Variants in HHLA2 observed in about 807,000 individuals in gnomAD.
HHLA2 encodes HHLA2 member of B7 family.
In HHLA2, 48 loss-of-function variants were observed where a neutral mutation model predicts 45.9. That is an observed-to-expected ratio of 1.05 (90% CI 0.83 to 1.33). The LOEUF is 1.33. HHLA2 is among the 40% of genes most tolerant of loss of function. The pLI, the probability that HHLA2 is intolerant of heterozygous loss-of-function variation, is 0.00. For missense variants in HHLA2, 462 were observed against 494.3 expected, an observed-to-expected ratio of 0.93 and a Z score of 0.62; for synonymous variants, 161 against 173.9, an observed-to-expected ratio of 0.93 and a Z score of 0.59.
At chr3:108,308,145 C>T (rs576325595) in intron 1 of HHLA2, among the ~76,000 whole-genome samples, 3 of 152,272 alleles carry the variant, frequency 2.0e-5, no homozygotes, top group South Asian at 2.1e-4. Flanking sequence ...TAACCATCCC[C>T]ACCTTCCCCG....
intron 8 of HHLA2, among the ~76,000 whole-genome samples, chr3:108,375,349 G>C (rs1160793879): frequency 8.3e-6 from 1 of 120,200 alleles, no homozygotes; most frequent in African/African-American, 3.1e-5. Context: ...GAGGGGGGAG[G>C]GATAGCATTA....
At chr3:108,354,520 C>T (rs1277300661) in intron 5 of HHLA2, among the ~76,000 whole-genome samples, 1 of 151,944 alleles carries the variant, frequency 6.6e-6, no homozygotes, top group Non-Finnish European at 1.5e-5. Flanking sequence ...ATGATGTGCT[C>T]TGTTAATGAT....
chr3:108,319,910 G>A (rs899651432), intron 2 of HHLA2, among the ~76,000 whole-genome samples: 3 of 152,118 alleles, frequency 2.0e-5, no homozygotes, highest in African/African-American at 7.2e-5. Flanking sequence ...GAGCAGATTC[G>A]CCCCGTGCAT....
intron 2 of HHLA2, among the ~76,000 whole-genome samples, chr3:108,313,739 A>G (rs1469538151): frequency 2.0e-5 from 3 of 152,202 alleles, no homozygotes; most frequent in African/African-American, 7.2e-5. Context: ...ACCTGTAGTT[A>G]TATCCATGGG....
intron 2 of HHLA2, among the ~76,000 whole-genome samples, chr3:108,313,295 T>A (rs937517425): frequency 6.6e-6 from 1 of 152,136 alleles, no homozygotes; most frequent in Admixed American, 6.6e-5. Context: ...GGATTGTGAT[T>A]CGGGGGAGTG....
chr3:108,353,720 A>G (rs750264144), exon 5 of HHLA2: 7 of 1,613,466 alleles, frequency 4.3e-6, no homozygotes, highest in Non-Finnish European at 5.9e-6. Flanking sequence ...AGGAATTTAC[A>G]CCTGCTATGT....
Position 108,320,461 on chromosome 3 carries a change from T to C in HHLA2, c.-104-7809T>C, listed in dbSNP as rs72937756. ...TAATGGCAAAGACCACGATTACTTTTGCACCAACCTAATAGAATCCTCCTG... is the reference window on the plus strand; with the variant it reads ...TAATGGCAAAGACCACGATTACTTTCGCACCAACCTAATAGAATCCTCCTG... On this transcript the variant is annotated intron_variant, in intron 2 of 10. Coordinates refer to ENST00000619531, the Ensembl canonical transcript of HHLA2. Among the ~76,000 whole-genome samples the C allele has an allele frequency of 6.3e-3, 959 of 152,330 alleles. 10 individuals carry two copies. Among genetic ancestry groups the C allele is most frequent in the African/African-American group, 0.022 (901 of 41,572 alleles).
intron 7 of HHLA2, among the ~76,000 whole-genome samples, chr3:108,359,072 GCTC>G (rs1410128104): frequency 6.6e-6 from 1 of 151,956 alleles, no homozygotes; most frequent in African/African-American, 2.4e-5. Context: ...TGCATTTGAA[GCTC>G]CTATTTTTCT....
intron 3 of HHLA2, among the ~76,000 whole-genome samples, chr3:108,349,782 G>A (rs1379056177): frequency 6.6e-6 from 1 of 152,184 alleles, no homozygotes; most frequent in Non-Finnish European, 1.5e-5. Context: ...ATAGGAGGAT[G>A]AGGGAGTAGC....
At chr3:108,312,179 C>A (rs2081031253) in intron 2 of HHLA2, among the ~76,000 whole-genome samples, 1 of 152,232 alleles carries the variant, frequency 6.6e-6, no homozygotes, top group Non-Finnish European at 1.5e-5. Flanking sequence ...CAGACTCTCA[C>A]CAGTTCCTTC....
At chr3:108,353,358 G>A in intron 4 of HHLA2, 69 bp from the exon 4 acceptor site, 1 of 999,740 alleles carries the variant, frequency 1.0e-6, no homozygotes, top group Non-Finnish European at 1.5e-6. Context: ...CTTCTGGGTA[G>A]TTCTGGTATA....
At chr3:108,298,667 C>T (rs2080802441) in intron 1 of HHLA2, among the ~76,000 whole-genome samples, 1 of 152,210 alleles carries the variant, frequency 6.6e-6, no homozygotes, top group African/African-American at 2.4e-5. Flanking sequence ...TTAGCAGGTG[C>T]AGCTTGTTAT....
intron 1 of HHLA2, among the ~76,000 whole-genome samples, chr3:108,297,505 T>G (rs1576079933): frequency 6.6e-6 from 1 of 152,336 alleles, no homozygotes; most frequent in South Asian, 2.1e-4. Context: ...TTTCCTAATC[T>G]GTAAAATGGG....
At chr3:108,337,700 G>C (rs1453921597) in intron 3 of HHLA2, among the ~76,000 whole-genome samples, 2 of 152,090 alleles carry the variant, frequency 1.3e-5, no homozygotes, top group African/African-American at 4.8e-5. Flanking sequence ...TATCCAGGTG[G>C]AATTTGATTG....
At chr3:108,376,423 GA>G in intron 9 of HHLA2, 69 bp from the exon 9 acceptor site, 1 of 1,175,522 alleles carries the variant, frequency 8.5e-7, no homozygotes, top group Non-Finnish European at 1.2e-6. Flanking sequence ...ATTATATTGA[GA>G]TAGGACTAAG....
intron 8 of HHLA2, among the ~76,000 whole-genome samples, chr3:108,374,039 G>C (rs1395173890): frequency 6.6e-6 from 1 of 150,618 alleles, no homozygotes; most frequent in Non-Finnish European, 1.5e-5. Flanking sequence ...TAAGCCAAAA[G>C]AACAAAGCTG....
intron 3 of HHLA2, among the ~76,000 whole-genome samples, chr3:108,340,808 G>T (rs893981362): frequency 2.1e-4 from 32 of 150,620 alleles, no homozygotes; most frequent in African/African-American, 7.6e-4. Flanking sequence ...AAGATCTCTT[G>T]AAAACAAGGA....
rs947178917 is a variant in HHLA2, at chr3:108,375,668, G to A, written c.1109-82G>A. 1.1e-5 allele frequency: 17 copies of A among 1,523,000 alleles called. No individual in the cohort carries two copies. In the South Asian group the frequency reaches 1.7e-4, roughly 15 times the overall value. The allele number at this position is 1,523,000 out of a possible 1,614,324, so 94.3% of individuals were successfully genotyped here. ...GAGAGTGACTTTCAATTGAAGGACA[G>A]AGCCATACCAAGGTGACCTTACAGG... is the stretch of plus-strand genomic sequence containing the variant. On this transcript the variant is annotated intron_variant, in intron 8 of 10. Coordinates refer to ENST00000619531, the Ensembl canonical transcript of HHLA2.
chr3:108,356,278 T>C (rs2081890528), intron 6 of HHLA2, among the ~76,000 whole-genome samples: 1 of 152,062 alleles, frequency 6.6e-6, no homozygotes, highest in Non-Finnish European at 1.5e-5. Context: ...GATCCACCCA[T>C]ATCGGCCTCC....
Sources: gnomAD v4.1 joint callset for allele counts (sites outside exome capture counted in the v4.1 genomes callset) on GRCh38, gnomAD v4.1.1 for gene constraint, MANE v1.5 for transcripts, NCBI Gene and HGNC (gene_info 2026-07-23, HGNC 2026-07-21) for gene names.